SLCO6A1: variants seen among roughly 807,000 people sequenced by gnomAD.
SLCO6A1 encodes cancer/testis antigen 48.
SLCO6A1 carries 65 observed loss-of-function variants against 72.7 expected under a neutral mutation model. The observed-to-expected ratio is 0.89, with a 90% CI of 0.73 to 1.10. The LOEUF (loss-of-function observed/expected upper bound fraction) is 1.10. SLCO6A1 is among the 50% of genes least tolerant of loss of function. SLCO6A1 has a pLI of 0.00. For synonymous variants in SLCO6A1, 314 were observed against 298.2 expected, an observed-to-expected ratio of 1.05 and a Z score of -0.55; for missense variants, 874 against 872.6, an observed-to-expected ratio of 1.00 and a Z score of -0.02.
At chr5:102,399,348 C>T (rs1038212234) in intron 10 of SLCO6A1, among the ~76,000 whole-genome samples, 2 of 151,846 alleles carry the variant, frequency 1.3e-5, no homozygotes, top group South Asian at 2.1e-4. Flanking sequence ...TAAAGTTAAA[C>T]AATGTGATAT....
intron 12 of SLCO6A1, among the ~76,000 whole-genome samples, chr5:102,377,447 GAAA>G: frequency 6.6e-6 from 1 of 152,058 alleles, no homozygotes; most frequent in Non-Finnish European, 1.5e-5. Context: ...TTAAAAATCT[GAAA>G]GGAGTCTATC....
chr5:102,465,474 A>G (rs1173098548), intron 4 of SLCO6A1, among the ~76,000 whole-genome samples: 1 of 152,076 alleles, frequency 6.6e-6, no homozygotes, highest in Non-Finnish European at 1.5e-5. Flanking sequence ...CCACTACCCT[A>G]TCATGCTTCC....
Position 102,480,206 on chromosome 5 carries a change from T to C in SLCO6A1, c.587A>G (p.Glu196Gly), listed in dbSNP as rs1280363689. The C allele has an allele frequency of 6.2e-7, 1 of 1,610,416 alleles. No homozygotes were observed. The highest frequency in any genetic ancestry group is 1.1e-5 in the South Asian group (1 of 90,606). ...LLCAFPSINEENKQSKVGIED... is the reference protein window; with the variant it reads ...LLCAFPSINEGNKQSKVGIED... Reference sequence around the variant, plus strand: ...AATTCCTACCTTACTTTGTTTATTTTCTTCATTAATGGATGGAAAAGCACA... The same window carrying C: ...AATTCCTACCTTACTTTGTTTATTTCCTTCATTAATGGATGGAAAAGCACA... The change falls in exon 2 of 14, where the codon GAA becomes GGA. Residue 196 changes from glutamate (E) to glycine (G), a missense_variant. By Grantham distance (98) the Glu-to-Gly change is moderately conservative. Coordinates refer to ENST00000506729, the MANE Select transcript of SLCO6A1 (RefSeq NM_173488.5).
chr5:102,497,040 A>G (rs1449154426), intron 1 of SLCO6A1, among the ~76,000 whole-genome samples: 1 of 152,218 alleles, frequency 6.6e-6, no homozygotes, highest in Non-Finnish European at 1.5e-5. Context: ...GTCTTACAAC[A>G]TACAGCCTTT....
At chr5:102,448,732 T>A (rs1410456894) in intron 6 of SLCO6A1, among the ~76,000 whole-genome samples, 1 of 152,196 alleles carries the variant, frequency 6.6e-6, no homozygotes. Flanking sequence ...TAGATATTTC[T>A]CCATCCTTTT....
At chr5:102,462,642 C>G (rs896210700) in intron 4 of SLCO6A1, among the ~76,000 whole-genome samples, 1 of 152,112 alleles carries the variant, frequency 6.6e-6, no homozygotes, top group Non-Finnish European at 1.5e-5. Flanking sequence ...GGGGAAAGGA[C>G]GTCCTATTCA....
At chr5:102,468,997 C>A (rs1212373228) in intron 4 of SLCO6A1, among the ~76,000 whole-genome samples, 2 of 152,136 alleles carry the variant, frequency 1.3e-5, no homozygotes, top group Non-Finnish European at 2.9e-5. Flanking sequence ...TCTGAGGCCT[C>A]TGTTCTGTTC....
chr5:102,394,241 A>G (rs188265347), intron 10 of SLCO6A1, among the ~76,000 whole-genome samples: 3 of 152,212 alleles, frequency 2.0e-5, no homozygotes, highest in African/African-American at 7.2e-5. Flanking sequence ...ATGCTATCCC[A>G]TTCCCTTGCC....
chr5:102,458,395 C>A lies in SLCO6A1; in HGVS notation c.1118G>T (p.Cys373Phe), dbSNP rs762758657. ...LKLGTNIKDLCAALWILMKNP... is the reference protein window; with the variant it reads ...LKLGTNIKDLFAALWILMKNP... ...ATTTTACTTTACCCAAAGAGCAGCA[C>A]ATAAATCCTTGATATTAGTTCCAAG... Residue 373 changes from cysteine to phenylalanine, a missense_variant, in exon 6 of 14, where the codon TGT becomes TTT. Cys to Phe is a radical substitution (Grantham distance 205). Transcript: ENST00000506729. 5 of 1,609,822 alleles carry A rather than the reference C, an allele frequency of 3.1e-6. No homozygotes were observed. The highest frequency in any genetic ancestry group is 3.4e-5 in the Admixed American group (2 of 59,556).
intron 9 of SLCO6A1, among the ~76,000 whole-genome samples, chr5:102,400,574 T>G (rs930488981): frequency 4.6e-5 from 7 of 151,594 alleles, no homozygotes; most frequent in Admixed American, 1.3e-4. Context: ...TTAAACAGAG[T>G]TTAAAGATGC....
chr5:102,437,413 G>C (rs930302829), intron 7 of SLCO6A1, among the ~76,000 whole-genome samples: 3 of 152,116 alleles, frequency 2.0e-5, no homozygotes, highest in Admixed American at 6.5e-5. Context: ...TGTTCAGCTG[G>C]CTAGATCCAG....
At chr5:102,434,852 T>C (rs2112666422) in intron 7 of SLCO6A1, among the ~76,000 whole-genome samples, 1 of 152,270 alleles carries the variant, frequency 6.6e-6, no homozygotes, top group Admixed American at 6.5e-5. Flanking sequence ...CCTTCTGCTT[T>C]CAAGTTACAG....
chr5:102,377,038 C>T (rs1366954379), intron 12 of SLCO6A1, among the ~76,000 whole-genome samples: 1 of 151,938 alleles, frequency 6.6e-6, no homozygotes, highest in Admixed American at 6.6e-5. Flanking sequence ...GTGGCATGGA[C>T]CTGTAATTCT....
chr5:102,399,864 T>A (rs912356287), intron 9 of SLCO6A1, 122 bp from the exon 10 acceptor site: 8 of 627,962 alleles, frequency 1.3e-5, no homozygotes, highest in African/African-American at 1.1e-4. Flanking sequence ...TTTCAAAATG[T>A]CTTTATATTA....
At chr5:102,460,143 C>G (rs1267222418) in intron 4 of SLCO6A1, among the ~76,000 whole-genome samples, 1 of 152,128 alleles carries the variant, frequency 6.6e-6, no homozygotes, top group Non-Finnish European at 1.5e-5. Flanking sequence ...TAAAATCATT[C>G]TTAAAAATCA....
At chr5:102,494,085 T>C (rs982685471) in intron 1 of SLCO6A1, among the ~76,000 whole-genome samples, 2 of 152,086 alleles carry the variant, frequency 1.3e-5, no homozygotes, top group Admixed American at 1.3e-4. Flanking sequence ...TAAGTATAGA[T>C]GTATTAGGAA....
intron 1 of SLCO6A1, among the ~76,000 whole-genome samples, chr5:102,490,549 A>G (rs907876005): frequency 6.6e-6 from 1 of 152,198 alleles, no homozygotes; most frequent in Non-Finnish European, 1.5e-5. Context: ...CACTGACTAC[A>G]AGAATGAAAC....
chr5:102,498,709 T>TC lies in SLCO6A1; in HGVS notation c.135dup (p.Lys46GlufsTer38). The TC allele has an allele frequency of 6.2e-7, 1 of 1,614,184 alleles. No homozygotes were observed. Among genetic ancestry groups the TC allele is most frequent in the Non-Finnish European group, 8.5e-7 (1 of 1,180,022 alleles). ...AGTAGTCTCAGATACCGGTGTTTTT[T>TC]CCCGGGCTTCGAGGACTTCGGGGTT... is the stretch of plus-strand genomic sequence containing the variant. On this transcript the variant is annotated frameshift_variant, in exon 1 of 14. Coordinates refer to ENST00000506729, the MANE Select transcript of SLCO6A1 (RefSeq NM_173488.5). LOFTEE classifies it high-confidence loss of function.
chr5:102,378,397 G>A (rs1341795613), intron 12 of SLCO6A1, among the ~76,000 whole-genome samples: 2 of 152,158 alleles, frequency 1.3e-5, no homozygotes, highest in South Asian at 2.1e-4. Context: ...GCTTCCCAAA[G>A]TGCTGGGATT....
Sources: gnomAD v4.1 joint callset for allele counts (sites outside exome capture counted in the v4.1 genomes callset) on GRCh38, gnomAD v4.1.1 for gene constraint, MANE v1.5 for transcripts, NCBI Gene and HGNC (gene_info 2026-07-23, HGNC 2026-07-21) for gene names.